Variants in C2orf92 observed in about 807,000 individuals in gnomAD.
The protein encoded by C2orf92 is chromosome 2 open reading frame 92.
upstream of C2orf92, chr2:97,665,696 T>A (rs952894224): frequency 2.5e-5 from 2 of 78,938 alleles, no homozygotes; most frequent in South Asian, 8.4e-4. Context: ...AGCATGACTC[T>A]CTCTCTCTCT....
chr2:97,673,975 A>G (rs1362048582), intron 1 of C2orf92, among the ~76,000 whole-genome samples: 1 of 152,212 alleles, frequency 6.6e-6, no homozygotes, highest in Non-Finnish European at 1.5e-5. Flanking sequence ...GTGTGTTGCC[A>G]TAGTTGCTGT....
At chr2:97,665,015 T>C (rs758131393), upstream of C2orf92, among the ~76,000 whole-genome samples, 27 of 152,360 alleles carry the variant, frequency 1.8e-4, no homozygotes, top group Non-Finnish European at 3.4e-4. Context: ...ACATAAGTTA[T>C]ATTAAATCCT....
intron 3 of C2orf92, among the ~76,000 whole-genome samples, chr2:97,681,336 A>G (rs1675766109): frequency 2.0e-5 from 3 of 152,190 alleles, no homozygotes; most frequent in Admixed American, 2.0e-4. Flanking sequence ...AATAATACAA[A>G]GTATCTTTTC....
rs117161143 is a variant in C2orf92, at chr2:97,677,915, G to A, written c.232+1987G>A. 1.2e-4 allele frequency among the ~76,000 whole-genome samples: 18 copies of A among 152,286 alleles called. No homozygotes were observed. In the East Asian group the frequency reaches 3.5e-3, roughly 29 times the overall value. On this transcript the variant is annotated intron_variant, in intron 3 of 7. Transcript: ENST00000627399. ...AAGAAAAGTTCTAGAGCTGAAAAGT[G>A]TAATAAATGAATACTTGGCACATGC...
chr2:97,674,435 C>G (rs1365168807), intron 1 of C2orf92, 21 bp from the exon 2 acceptor site: 8 of 398,378 alleles, frequency 2.0e-5, no homozygotes, highest in Non-Finnish European at 3.5e-5. Flanking sequence ...TATTAACATG[C>G]CTTTGTTTGC....
rs1347799078 is a variant in C2orf92 at position 97,685,376 on chromosome 2, C to T, written c.233-3519C>T. 4.0e-5 allele frequency among the ~76,000 whole-genome samples: 6 copies of T among 150,872 alleles called. No individual in the cohort carries two copies. The East Asian group carries it at 1.2e-3, about 29-fold the overall frequency. On this transcript the variant is annotated intron_variant, in intron 3 of 7. Coordinates refer to ENST00000627399, the MANE Select transcript of C2orf92 (RefSeq NM_001351368.2). Reference sequence around the variant, plus strand: ...TGCCTCCCAGGTTCACGCCATTCTCCTGCCTTAGCCTCCTGAGTAGCTGGG... The same window carrying T: ...TGCCTCCCAGGTTCACGCCATTCTCTTGCCTTAGCCTCCTGAGTAGCTGGG...
At chr2:97,678,129 G>C (rs1436660242) in intron 3 of C2orf92, among the ~76,000 whole-genome samples, 1 of 151,884 alleles carries the variant, frequency 6.6e-6, no homozygotes, top group Non-Finnish European at 1.5e-5. Context: ...GAACCCAGGA[G>C]GCAGAGCTTG....
At chr2:97,700,027 C>T (rs1202460310) in intron 6 of C2orf92, among the ~76,000 whole-genome samples, 2 of 152,206 alleles carry the variant, frequency 1.3e-5, no homozygotes, top group Non-Finnish European at 2.9e-5. Flanking sequence ...CGAAACCAGC[C>T]GATACCTGGG....
chr2:97,675,762 C>T (rs563036518), intron 2 of C2orf92, 83 bp from the exon 3 acceptor site: 33 of 398,608 alleles, frequency 8.3e-5, no homozygotes, highest in Admixed American at 5.3e-4. Context: ...CTCAAAATCC[C>T]GTGCAGAAGA....
At position 97,696,873 on chromosome 2, in the gene C2orf92, T is replaced by C. The variant is rs58227684; in HGVS notation, c.404-2153T>C. Among the ~76,000 whole-genome samples, 1,405 of 152,394 alleles carry C rather than the reference T, an allele frequency of 9.2e-3. 22 individuals carry two copies. The highest frequency in any genetic ancestry group is 0.032 in the African/African-American group (1,322 of 41,600). On this transcript the variant is annotated intron_variant, in intron 5 of 7. Coordinates refer to ENST00000627399, the MANE Select transcript of C2orf92 (RefSeq NM_001351368.2). ...TGTGGACAGCAGCTGTAGCTACTGATGATCATAGGTCCACTGAATGGAACA... is the reference window on the plus strand; with the variant it reads ...TGTGGACAGCAGCTGTAGCTACTGACGATCATAGGTCCACTGAATGGAACA...
rs151046689 is a variant in C2orf92 at position 97,685,824 on chromosome 2, A to G, written c.233-3071A>G. 8.7e-3 allele frequency among the ~76,000 whole-genome samples: 1,329 copies of G among 152,322 alleles called. 24 individuals carry two copies. Among genetic ancestry groups the G allele is most frequent in the African/African-American group, 0.031 (1,274 of 41,576 alleles). ...GTGATCTGCCCTCCTCGGCCTCCCAAAGTGCTGGGATTACAGGTGTGAGCC... is the reference window on the plus strand; with the variant it reads ...GTGATCTGCCCTCCTCGGCCTCCCAGAGTGCTGGGATTACAGGTGTGAGCC... On this transcript the variant is annotated intron_variant, in intron 3 of 7. Coordinates refer to ENST00000627399, the MANE Select transcript of C2orf92 (RefSeq NM_001351368.2).
chr2:97,684,904 G>C (rs1427251994), intron 3 of C2orf92, among the ~76,000 whole-genome samples: 1 of 151,780 alleles, frequency 6.6e-6, no homozygotes, highest in African/African-American at 2.4e-5. Context: ...CACTATTCAC[G>C]CTTCTTAGAA....
intron 5 of C2orf92, among the ~76,000 whole-genome samples, chr2:97,695,706 A>C (rs1676283616): frequency 6.6e-6 from 1 of 152,094 alleles, no homozygotes. Flanking sequence ...CCTTCAGGAG[A>C]AGCCAGGACA....
chr2:97,679,335 ACT>A (rs1035680688), intron 3 of C2orf92, among the ~76,000 whole-genome samples: 1 of 152,160 alleles, frequency 6.6e-6, no homozygotes, highest in Non-Finnish European at 1.5e-5. Context: ...ATAAAGATAG[ACT>A]CTGTAATAAC....
chr2:97,674,029 C>T (rs1489935558), intron 1 of C2orf92, among the ~76,000 whole-genome samples: 1 of 152,148 alleles, frequency 6.6e-6, no homozygotes, highest in Admixed American at 6.6e-5. Context: ...GAAAACCTGA[C>T]GTATAGTGGC....
chr2:97,696,818 G>A (rs1422320300), intron 5 of C2orf92, among the ~76,000 whole-genome samples: 1 of 152,216 alleles, frequency 6.6e-6, no homozygotes, highest in Non-Finnish European at 1.5e-5. Flanking sequence ...TCTGGGAAGT[G>A]AAGTGTCTTT....
intron 3 of C2orf92, among the ~76,000 whole-genome samples, chr2:97,687,479 G>C (rs1417897135): frequency 6.6e-6 from 1 of 152,232 alleles, no homozygotes; most frequent in Non-Finnish European, 1.5e-5. Flanking sequence ...AGAGAGCTGA[G>C]ATGGAGAAAA....
At chr2:97,667,372 C>T (rs896233482), upstream of C2orf92, among the ~76,000 whole-genome samples, 3 of 151,076 alleles carry the variant, frequency 2.0e-5, no homozygotes, top group African/African-American at 7.3e-5. Flanking sequence ...AGGCAATTCT[C>T]CTGGCTCAGC....
chr2:97,678,405 G>A (rs1289956986), intron 3 of C2orf92, among the ~76,000 whole-genome samples: 1 of 151,910 alleles, frequency 6.6e-6, no homozygotes, highest in African/African-American at 2.4e-5. Flanking sequence ...TTTGAATGAA[G>A]AATAGCCCCA....
Sources: gnomAD v4.1 joint callset for allele counts (sites outside exome capture counted in the v4.1 genomes callset) on GRCh38, gnomAD v4.1.1 for gene constraint, MANE v1.5 for transcripts, NCBI Gene and HGNC (gene_info 2026-07-23, HGNC 2026-07-21) for gene names.